Variants in TMEM132D observed in about 807,000 individuals in gnomAD.
The protein encoded by TMEM132D is mature OL transmembrane protein.
A neutral mutation model predicts 62.3 loss-of-function variants in TMEM132D; 21 were observed. That is an observed-to-expected ratio of 0.34 (90% CI 0.24 to 0.49). The LOEUF (loss-of-function observed/expected upper bound fraction) is 0.49. Ranked by LOEUF, TMEM132D falls within the 20% of genes least tolerant of loss-of-function variation. TMEM132D has a pLI of 0.99. For synonymous variants in TMEM132D, 621 were observed against 575.6 expected (o/e 1.08, Z -1.13); for missense variants, 1,346 against 1,402.8 (o/e 0.96, Z 0.65).
intron 2 of TMEM132D, among the ~76,000 whole-genome samples, chr12:129,532,450 C>T (rs971195392): frequency 6.6e-6 from 1 of 152,224 alleles, no homozygotes; most frequent in Non-Finnish European, 1.5e-5. Flanking sequence ...AGATGACACT[C>T]ATAGGACCAG....
At chr12:129,207,643 G>C (rs1027634625) in intron 5 of TMEM132D, among the ~76,000 whole-genome samples, 3 of 152,192 alleles carry the variant, frequency 2.0e-5, no homozygotes, top group African/African-American at 7.2e-5. Flanking sequence ...AGTGGAGGCA[G>C]CCAGAGGGGC....
chr12:129,086,207 T>C (rs754273011), intron 5 of TMEM132D, among the ~76,000 whole-genome samples: 3,100 of 151,224 alleles, frequency 0.02, 78 homozygotes, highest in African/African-American at 0.056. Flanking sequence ...CGCGCGTGTG[T>C]GTGTGTGTGT....
chr12:129,730,948 A>G (rs1237071754), intron 1 of TMEM132D, among the ~76,000 whole-genome samples: 2 of 151,996 alleles, frequency 1.3e-5, no homozygotes, highest in African/African-American at 4.8e-5. Flanking sequence ...CTTGCTCCTC[A>G]TCTAGCAGAT....
intron 3 of TMEM132D, among the ~76,000 whole-genome samples, chr12:129,470,033 A>T (rs553797069): frequency 1.3e-5 from 2 of 152,184 alleles, no homozygotes; most frequent in African/African-American, 4.8e-5. Flanking sequence ...CGGCCTGTGT[A>T]CAGTATGTGA....
chr12:129,763,622 T>C (rs540928739), intron 1 of TMEM132D, among the ~76,000 whole-genome samples: 1 of 152,202 alleles, frequency 6.6e-6, no homozygotes, highest in East Asian at 1.9e-4. Flanking sequence ...TCTGTTAGTA[T>C]TTTTTTGCTA....
intron 1 of TMEM132D, among the ~76,000 whole-genome samples, chr12:129,846,721 C>A (rs1283561290): frequency 6.6e-6 from 1 of 152,144 alleles, no homozygotes; most frequent in Non-Finnish European, 1.5e-5. Flanking sequence ...CCAGTTCACT[C>A]ATTCTAATAT....
chr12:129,085,601 T>C (rs1344742387), intron 5 of TMEM132D: 1 of 152,230 alleles, frequency 6.6e-6, no homozygotes, highest in Non-Finnish European at 1.5e-5. Flanking sequence ...AATCCAAACA[T>C]GCGGATTCCT....
intron 5 of TMEM132D, among the ~76,000 whole-genome samples, chr12:129,123,705 G>A (rs892013927): frequency 3.3e-5 from 5 of 152,222 alleles, no homozygotes; most frequent in Non-Finnish European, 5.9e-5. Flanking sequence ...AGTGGACTGA[G>A]TAAACCAGAT....
At chr12:129,493,776 C>A (rs1270995186) in intron 3 of TMEM132D, among the ~76,000 whole-genome samples, 1 of 152,168 alleles carries the variant, frequency 6.6e-6, no homozygotes, top group African/African-American at 2.4e-5. Context: ...TCTGGGAAGC[C>A]AAGCAGGCAG....
rs115959454 is a variant in TMEM132D, at chr12:129,078,419, C to T, written c.2115+115G>A. ...AGCCCTTTGCAGATGGAGAAACAAA[C>T]GCCCGATATATGATCCCACTCTATT... On this transcript the variant is annotated intron_variant, in intron 8 of 8. Transcript: ENST00000422113. 3.8e-3 allele frequency: 4,035 copies of T among 1,051,018 alleles called. 97 individuals carry two copies. In the African/African-American group the frequency reaches 0.055, roughly 14 times the overall value. The allele number at this position is 1,051,018 out of a possible 1,614,324, so 65.1% of individuals were successfully genotyped here. A position where few individuals can be genotyped will look rare whatever the true frequency, so the allele number is the denominator to read the frequency against.
intron 1 of TMEM132D, among the ~76,000 whole-genome samples, chr12:129,878,398 A>G (rs559889571): frequency 1.8e-4 from 28 of 152,212 alleles, no homozygotes; most frequent in African/African-American, 6.0e-4. Flanking sequence ...TCTCTGTCCT[A>G]TTCTGTGCTG....
chr12:129,356,679 A>AAT (rs1566043566), intron 3 of TMEM132D, among the ~76,000 whole-genome samples: 1 of 148,630 alleles, frequency 6.7e-6, no homozygotes, highest in East Asian at 2.0e-4. Context: ...TAAATAAATA[A>AAT]ATAAATAAAT....
chr12:129,429,364 G>A (rs1278171632), intron 3 of TMEM132D, among the ~76,000 whole-genome samples: 1 of 145,760 alleles, frequency 6.9e-6, no homozygotes, highest in Non-Finnish European at 1.5e-5. Context: ...TTGCTTTATA[G>A]TTTTTTGTTT....
chr12:129,411,855 T>G (rs554064470), intron 3 of TMEM132D, among the ~76,000 whole-genome samples: 1 of 152,322 alleles, frequency 6.6e-6, no homozygotes, highest in Non-Finnish European at 1.5e-5. Context: ...CTCACTCCCA[T>G]TGTTTTCATC....
At chr12:129,180,702 G>A (rs1031807240) in intron 5 of TMEM132D, among the ~76,000 whole-genome samples, 3 of 152,202 alleles carry the variant, frequency 2.0e-5, no homozygotes, top group Admixed American at 2.0e-4. Flanking sequence ...GAAGGAGGCC[G>A]TTTCCAGATC....
intron 4 of TMEM132D, among the ~76,000 whole-genome samples, chr12:129,315,872 G>T (rs1455842932): frequency 6.6e-6 from 1 of 152,092 alleles, no homozygotes; most frequent in Non-Finnish European, 1.5e-5. Flanking sequence ...GGCTAGGAGG[G>T]TTGTAATTTT....
At chr12:129,200,217 T>C (rs1455495241) in intron 5 of TMEM132D, among the ~76,000 whole-genome samples, 1 of 152,082 alleles carries the variant, frequency 6.6e-6, no homozygotes, top group Non-Finnish European at 1.5e-5. Context: ...TTTCCAATAT[T>C]GAAGGATTAC....
chr12:129,393,824 T>C (rs1364219089), intron 3 of TMEM132D, among the ~76,000 whole-genome samples: 1 of 152,066 alleles, frequency 6.6e-6, no homozygotes. Context: ...CAGTGACAGG[T>C]GTACAACAGA....
intron 3 of TMEM132D, among the ~76,000 whole-genome samples, chr12:129,414,155 C>T (rs181969414): frequency 8.5e-5 from 13 of 152,338 alleles, no homozygotes; most frequent in African/African-American, 3.1e-4. Context: ...TCTCTCAACA[C>T]CATACGCTTT....
Sources: allele counts gnomAD v4.1 joint callset (sites outside exome capture counted in the v4.1 genomes callset), GRCh38; gene constraint gnomAD v4.1.1; transcripts MANE v1.5; gene names NCBI Gene and HGNC (gene_info 2026-07-23, HGNC 2026-07-21).